The following TACR3 variants were observed in gnomAD, a reference collection of about 807,000 sequenced individuals.
The protein encoded by TACR3 is tachykinin receptor 3.
In TACR3, 34 loss-of-function variants were observed where a neutral mutation model predicts 35.0. The observed-to-expected ratio is 0.97, with a 90% CI of 0.74 to 1.30. TACR3 has a LOEUF of 1.30. TACR3 is among the 50% of genes most tolerant of loss of function. The pLI is 0.00. For synonymous variants in TACR3, 233 were observed against 221.1 expected (o/e 1.05, Z -0.48); for missense variants, 558 against 591.7 (o/e 0.94, Z 0.59).
At chr4:103,689,430 T>G (rs1722348787) in intron 1 of TACR3, among the ~76,000 whole-genome samples, 1 of 151,900 alleles carries the variant, frequency 6.6e-6, no homozygotes, top group Non-Finnish European at 1.5e-5. Context: ...TTTTTAAAAA[T>G]TAATAGTAAA....
rs145440441 is a variant in TACR3 at position 103,670,541 on chromosome 4, G to A, written c.549-12138C>T. Among the ~76,000 whole-genome samples, 1,293 of 151,858 alleles carry A rather than the reference G, an allele frequency of 8.5e-3. 21 individuals carry two copies. The highest frequency in any genetic ancestry group is 0.03 in the African/African-American group (1,235 of 41,464). The stretch of plus-strand genomic sequence containing the variant: ...AGAGATCTCTTGCTTCTTTGGTTAA[G>A]TTTATTCCTGGGTATTTTATTTTAT... On this transcript the variant is annotated intron_variant, in intron 1 of 4. Transcript: ENST00000304883.
At chr4:103,660,317 A>C (rs1011687928) in intron 1 of TACR3, among the ~76,000 whole-genome samples, 1 of 152,098 alleles carries the variant, frequency 6.6e-6, no homozygotes, top group African/African-American at 2.4e-5. Flanking sequence ...AATTCACTAC[A>C]TGATTCCAAA....
At chr4:103,624,524 A>G (rs1724848863) in intron 3 of TACR3, 1 of 152,210 alleles carries the variant, frequency 6.6e-6, no homozygotes, top group South Asian at 2.1e-4. Flanking sequence ...ATTTGAAAAT[A>G]TGCTGAGTAA....
At chr4:103,680,468 GATAT>G (rs138086790) in intron 1 of TACR3, among the ~76,000 whole-genome samples, 33,749 of 143,144 alleles carry the variant, frequency 0.24, 6,300 homozygotes, top group African/African-American at 0.5. Flanking sequence ...CAGATTAAGT[GATAT>G]ATATATATAT....
At position 103,587,593 on chromosome 4, in the gene TACR3, C is replaced by G. The variant is rs1296688666; in HGVS notation, c.*2089G>C. On this transcript the variant is annotated 3_prime_UTR_variant, in exon 5 of 5. Transcript: ENST00000304883. ...CAAATGTATGATACTTTGGTAGTGG[C>G]TGATGACATTAAATTTGAGGGCTAA... The G allele has an allele frequency of 6.6e-6, 1 of 152,004 alleles. No homozygotes were observed. The highest frequency in any genetic ancestry group is 1.5e-5 in the Non-Finnish European group (1 of 67,978). 9.4% of individuals were successfully genotyped at this position (152,004 alleles called of 1,614,324 possible). A position where few individuals can be genotyped will look rare whatever the true frequency, so the allele number is the denominator to read the frequency against.
chr4:103,591,762 T>A (rs1011279712), intron 3 of TACR3, 79 bp from the exon 4 acceptor site: 1 of 1,356,630 alleles, frequency 7.4e-7, no homozygotes, highest in Admixed American at 2.0e-5. Context: ...CATGCTTTTC[T>A]GCCAATACAG....
intron 1 of TACR3, among the ~76,000 whole-genome samples, chr4:103,688,215 A>T (rs1347644382): frequency 1.3e-5 from 2 of 152,182 alleles, no homozygotes; most frequent in Non-Finnish European, 2.9e-5. Context: ...CTGAAACTGG[A>T]TCCCTTCCTT....
At chr4:103,651,354 T>C (rs28785213) in intron 3 of TACR3, among the ~76,000 whole-genome samples, 4,274 of 151,794 alleles carry the variant, frequency 0.028, 219 homozygotes, top group African/African-American at 0.097. Flanking sequence ...CAGAGGACAC[T>C]TCCTGTGGCC....
intron 1 of TACR3, among the ~76,000 whole-genome samples, chr4:103,660,249 G>A (rs1267800546): frequency 1.3e-5 from 2 of 151,902 alleles, no homozygotes; most frequent in African/African-American, 4.8e-5. Flanking sequence ...ACAGCCATTA[G>A]GTAAACATGA....
intron 1 of TACR3, among the ~76,000 whole-genome samples, chr4:103,703,243 A>G (rs968532610): frequency 2.0e-5 from 3 of 152,180 alleles, no homozygotes; most frequent in Non-Finnish European, 2.9e-5. Flanking sequence ...TATATATAAC[A>G]TAAAGTTTGC....
intron 3 of TACR3, among the ~76,000 whole-genome samples, chr4:103,600,994 A>C (rs1724185554): frequency 6.6e-6 from 1 of 152,086 alleles, no homozygotes; most frequent in Non-Finnish European, 1.5e-5. Context: ...TGCAGAGCTG[A>C]GTTCAATTCT....
intron 1 of TACR3, among the ~76,000 whole-genome samples, chr4:103,672,050 T>C (rs1726067327): frequency 6.6e-6 from 1 of 152,148 alleles, no homozygotes; most frequent in African/African-American, 2.4e-5. Context: ...TGCCCAGAAG[T>C]AGATTCAATT....
intron 3 of TACR3, among the ~76,000 whole-genome samples, chr4:103,646,484 A>G (rs867498402): frequency 1.3e-5 from 2 of 151,970 alleles, no homozygotes; most frequent in South Asian, 4.1e-4. Context: ...ATTATGTTTT[A>G]TGTCCAATCA....
At chr4:103,649,231 T>C (rs899586944) in intron 3 of TACR3, among the ~76,000 whole-genome samples, 5 of 152,130 alleles carry the variant, frequency 3.3e-5, no homozygotes, top group Non-Finnish European at 4.4e-5. Context: ...TCCCATTCTG[T>C]GGGTTATCTC....
At chr4:103,652,708 G>A (rs1338072651) in intron 3 of TACR3, among the ~76,000 whole-genome samples, 1 of 151,912 alleles carries the variant, frequency 6.6e-6, no homozygotes, top group Non-Finnish European at 1.5e-5. Flanking sequence ...GTAGTGTATA[G>A]AATTGTTTTT....
chr4:103,687,198 C>A (rs951491550), intron 1 of TACR3, among the ~76,000 whole-genome samples: 2 of 152,022 alleles, frequency 1.3e-5, no homozygotes, highest in Admixed American at 1.3e-4. Flanking sequence ...ATTCAATAAC[C>A]CCTCATGCTA....
intron 1 of TACR3, among the ~76,000 whole-genome samples, chr4:103,711,036 G>A (rs914707647): frequency 1.3e-5 from 2 of 152,146 alleles, no homozygotes; most frequent in Non-Finnish European, 2.9e-5. Flanking sequence ...GGGCCAGATG[G>A]ATTCACAGCC....
intron 1 of TACR3, among the ~76,000 whole-genome samples, chr4:103,658,908 T>C (rs937994895): frequency 1.3e-5 from 2 of 152,150 alleles, no homozygotes; most frequent in African/African-American, 4.8e-5. Context: ...TAATGTAGAA[T>C]CCGTGGGAGC....
At chr4:103,678,084 T>A (rs1288904269) in intron 1 of TACR3, among the ~76,000 whole-genome samples, 8 of 152,152 alleles carry the variant, frequency 5.3e-5, no homozygotes, top group Non-Finnish European at 1.5e-5. Flanking sequence ...TTTTGTTGAA[T>A]GGAGAGTAAT....
Sources: gnomAD v4.1 joint callset for allele counts (sites outside exome capture counted in the v4.1 genomes callset) on GRCh38, gnomAD v4.1.1 for gene constraint, MANE v1.5 for transcripts, NCBI Gene and HGNC (gene_info 2026-07-23, HGNC 2026-07-21) for gene names.